The following NRXN1 variants were observed in gnomAD, a reference collection of about 807,000 sequenced individuals.
The protein encoded by NRXN1 is neurexin-1.
In NRXN1, 39 loss-of-function variants were observed where a neutral mutation model predicts 150.9. That is an observed-to-expected ratio of 0.26 (90% confidence interval 0.20 to 0.34). The LOEUF (loss-of-function observed/expected upper bound fraction) is 0.34, where lower values mean the gene tolerates loss of function less well. Ranked by LOEUF, NRXN1 falls within the 10% of genes least tolerant of loss-of-function variation. NRXN1 has a pLI of 1.00. For synonymous variants in NRXN1, 924 were observed against 757.0 expected (o/e 1.22, Z -3.62); for missense variants, 1,815 against 1,949.9 (o/e 0.93, Z 1.30).
chr2:50,469,113 G>C (rs1367428807), intron 16 of NRXN1, among the ~76,000 whole-genome samples: 1 of 151,534 alleles, frequency 6.6e-6, no homozygotes, highest in Non-Finnish European at 1.5e-5. Context: ...CATCACTTGG[G>C]AACTTGTTAG....
chr2:50,413,321 G>A (rs539451151), intron 17 of NRXN1, among the ~76,000 whole-genome samples: 5 of 151,920 alleles, frequency 3.3e-5, no homozygotes, highest in African/African-American at 1.2e-4. Context: ...TGGCAAACAG[G>A]CATATGAAAA....
chr2:50,290,801 G>C (rs192494377), intron 17 of NRXN1, among the ~76,000 whole-genome samples: 2 of 152,092 alleles, frequency 1.3e-5, no homozygotes, highest in East Asian at 3.9e-4. Flanking sequence ...ATCTCTTCTG[G>C]ACAAAACATG....
At chr2:50,641,866 T>C (rs1684133017) in intron 5 of NRXN1, among the ~76,000 whole-genome samples, 1 of 152,196 alleles carries the variant, frequency 6.6e-6, no homozygotes, top group East Asian at 1.9e-4. Flanking sequence ...TGTAGAGAAC[T>C]CCCTGACATC....
chr2:50,278,646 A>G (rs1461144891), intron 17 of NRXN1, among the ~76,000 whole-genome samples: 3 of 152,006 alleles, frequency 2.0e-5, no homozygotes, highest in Non-Finnish European at 4.4e-5. Flanking sequence ...TTACCTGCTA[A>G]AAAATATTCT....
At chr2:50,075,107 T>A (rs774181746) in intron 19 of NRXN1, among the ~76,000 whole-genome samples, 6 of 152,222 alleles carry the variant, frequency 3.9e-5, no homozygotes, top group Non-Finnish European at 8.8e-5. Context: ...AAACAATTTA[T>A]ATGTATAGAA....
intron 12 of NRXN1, among the ~76,000 whole-genome samples, chr2:50,507,725 C>T (rs1056020992): frequency 4.1e-5 from 6 of 147,830 alleles, no homozygotes; most frequent in African/African-American, 1.5e-4. Context: ...ACTAATCTGA[C>T]ATTATGAGTC....
chr2:50,665,806 T>C (rs939378649), intron 5 of NRXN1, among the ~76,000 whole-genome samples: 2 of 151,872 alleles, frequency 1.3e-5, no homozygotes, highest in African/African-American at 2.4e-5. Context: ...AGTGTAGAAC[T>C]GTGAAAAAAA....
intron 19 of NRXN1, among the ~76,000 whole-genome samples, chr2:50,055,676 T>C (rs771550392): frequency 2.0e-5 from 3 of 152,216 alleles, no homozygotes; most frequent in Non-Finnish European, 4.4e-5. Context: ...ATCATCCAGA[T>C]ACGTTATTAC....
intron 21 of NRXN1, among the ~76,000 whole-genome samples, chr2:49,992,850 A>C (rs1682240061): frequency 6.6e-6 from 1 of 152,194 alleles, no homozygotes; most frequent in African/African-American, 2.4e-5. Flanking sequence ...AATTAAAACA[A>C]CAGTAAGATA....
At chr2:50,171,656 A>T (rs992713559) in intron 18 of NRXN1, among the ~76,000 whole-genome samples, 1 of 152,192 alleles carries the variant, frequency 6.6e-6, no homozygotes, top group African/African-American at 2.4e-5. Context: ...CACAAAAAAT[A>T]AATTGAATAA....
In NRXN1 at chr2:50,477,180, T is replaced by G. The variant is rs370329168; in HGVS notation, c.3071-4709A>C. 7.9e-5 allele frequency among the ~76,000 whole-genome samples: 12 copies of G among 152,222 alleles called. No individual in the cohort carries two copies. In the East Asian group the frequency reaches 1.2e-3, roughly 15 times the overall value. On this transcript the variant is annotated intron_variant, in intron 15 of 22. Transcript: ENST00000401669. Reference sequence around the variant, plus strand: ...AAGAGAGGAGTTTTCAGTTATTTATTAAGTTATGTAAATAATATTGTATAA... The same window carrying G: ...AAGAGAGGAGTTTTCAGTTATTTATGAAGTTATGTAAATAATATTGTATAA...
At chr2:49,975,332 C>G (rs1678773717) in intron 21 of NRXN1, among the ~76,000 whole-genome samples, 1 of 151,874 alleles carries the variant, frequency 6.6e-6, no homozygotes, top group African/African-American at 2.4e-5. Context: ...ACTATTCATA[C>G]ATTTGAAAGA....
rs1438103880 is a variant in NRXN1 at position 49,921,794 on chromosome 2, T to A, written c.*150A>T. The A allele has an allele frequency of 3.3e-5, 27 of 823,936 alleles. No individual in the cohort carries two copies. The highest frequency in any genetic ancestry group is 4.6e-5 in the Non-Finnish European group (25 of 543,760). The allele number at this position is 823,936 out of a possible 1,614,324, so 51.0% of individuals were successfully genotyped here. Reference sequence around the variant, plus strand: ...GAGAAACAAGAGCATGAGATACTTGTTTTTATTTTTTAAAAAGTCTTTCCT... The same window carrying A: ...GAGAAACAAGAGCATGAGATACTTGATTTTATTTTTTAAAAAGTCTTTCCT... On this transcript the variant is annotated 3_prime_UTR_variant, in exon 23 of 23. Coordinates refer to ENST00000401669, the MANE Select transcript of NRXN1 (RefSeq NM_001330078.2).
chr2:50,443,656 G>C (rs1351005360), intron 17 of NRXN1, among the ~76,000 whole-genome samples: 1 of 152,112 alleles, frequency 6.6e-6, no homozygotes, highest in East Asian at 1.9e-4. Flanking sequence ...AGAAGGAGAG[G>C]CTTGGGGATC....
At chr2:50,811,229 G>A (rs2105763326) in intron 5 of NRXN1, among the ~76,000 whole-genome samples, 1 of 152,228 alleles carries the variant, frequency 6.6e-6, no homozygotes, top group South Asian at 2.1e-4. Context: ...AAACATCCCT[G>A]TGACTTAAAG....
chr2:50,506,344 A>C, intron 13 of NRXN1, 151 bp downstream of exon 13: 1 of 624,148 alleles, frequency 1.6e-6, no homozygotes. Flanking sequence ...CTGCTTATTT[A>C]ATAAAATAGT....
At chr2:50,428,713 T>C (rs1013092260) in intron 17 of NRXN1, among the ~76,000 whole-genome samples, 3 of 152,194 alleles carry the variant, frequency 2.0e-5, no homozygotes, top group Non-Finnish European at 2.9e-5. Flanking sequence ...TCTGGGCCTT[T>C]AGAAAAACAA....
At chr2:50,639,469 T>A (rs62142329) in intron 5 of NRXN1, among the ~76,000 whole-genome samples, 2 of 151,608 alleles carry the variant, frequency 1.3e-5, no homozygotes, top group Admixed American at 1.3e-4. Flanking sequence ...GATCTGCCTG[T>A]CTCAGCCTCC....
In NRXN1 at chr2:51,029,040, G is replaced by A. The variant is rs200082748; in HGVS notation, c.-767C>T. 2.6e-5 allele frequency: 4 copies of A among 152,200 alleles called. No individual in the cohort carries two copies. The highest frequency in any genetic ancestry group is 6.5e-5 in the Admixed American group (1 of 15,288). The allele number at this position is 152,200 out of a possible 1,614,324, so 9.4% of individuals were successfully genotyped here. ...AGTAGGACTCAAACCCAGCAGTTGC[G>A]AAATAGCCAGAAGCTGTTAGATGTG... is the stretch of plus-strand genomic sequence containing the variant. On this transcript the variant is annotated 5_prime_UTR_variant, in exon 2 of 23. Coordinates refer to ENST00000401669, the MANE Select transcript of NRXN1 (RefSeq NM_001330078.2).
Sources: gnomAD v4.1 joint callset for allele counts (sites outside exome capture counted in the v4.1 genomes callset) on GRCh38, gnomAD v4.1.1 for gene constraint, MANE v1.5 for transcripts, NCBI Gene and HGNC (gene_info 2026-07-23, HGNC 2026-07-21) for gene names.